Variants in CDK6 observed in about 807,000 individuals in gnomAD.
CDK6 encodes the protein cyclin-dependent kinase 6.
In CDK6, 6 loss-of-function variants were observed where a neutral mutation model predicts 37.1. That is an observed-to-expected ratio of 0.16 (90% CI 0.09 to 0.32). CDK6 has a LOEUF of 0.32. CDK6 is among the 10% of genes least tolerant of loss of function. The pLI, the probability that CDK6 is intolerant of heterozygous loss-of-function variation, is 1.00. For synonymous variants in CDK6, 160 were observed against 161.3 expected (o/e 0.99, Z 0.06); for missense variants, 224 against 418.9 (o/e 0.53, Z 4.06).
At chr7:92,659,439 G>A (rs1004942790) in intron 5 of CDK6, among the ~76,000 whole-genome samples, 1 of 151,998 alleles carries the variant, frequency 6.6e-6, no homozygotes, top group Non-Finnish European at 1.5e-5. Context: ...AAAGTAATTC[G>A]ACTTGTTTCT....
Position 92,611,987 on chromosome 7 carries a change from G to A in CDK6, c.*3153C>T, listed in dbSNP as rs1050324012. On this transcript the variant is annotated 3_prime_UTR_variant, in exon 8 of 8. Transcript: ENST00000424848. ...CCACTTCAAAGGAGGGACAAAGTGG[G>A]AGGCTCCAACCCACTGGGTTCTTAC... 3 of 232,884 alleles carry A rather than the reference G, an allele frequency of 1.3e-5. No homozygotes were observed. The highest frequency in any genetic ancestry group is 6.6e-5 in the African/African-American group (3 of 45,330). The allele number at this position is 232,884 out of a possible 1,614,324, so 14.4% of individuals were successfully genotyped here.
At position 92,608,419 on chromosome 7, in the gene CDK6, G is replaced by C. The variant is rs921232214; in HGVS notation, c.*6721C>G. The C allele has an allele frequency of 8.7e-6, 2 of 230,954 alleles. No individual in the cohort carries two copies. The highest frequency in any genetic ancestry group is 1.2e-4 in the East Asian group (2 of 16,208). The allele number at this position is 230,954 out of a possible 1,614,324, so 14.3% of individuals were successfully genotyped here. On this transcript the variant is annotated 3_prime_UTR_variant, in exon 8 of 8. Coordinates refer to ENST00000424848, the MANE Select transcript of CDK6 (RefSeq NM_001145306.2). ...AAAGAATTGAGAGCTTTTGCCAACT[G>C]AAGACGAAGCAGAAAATAAACTTTT...
chr7:92,675,010 T>G (rs1797172257), intron 4 of CDK6, among the ~76,000 whole-genome samples: 1 of 152,174 alleles, frequency 6.6e-6, no homozygotes, highest in Admixed American at 6.5e-5. Context: ...ATTTTTGTAT[T>G]TTTTGTAGAG....
chr7:92,740,173 A>T (rs1035493330), intron 3 of CDK6, among the ~76,000 whole-genome samples: 17 of 152,188 alleles, frequency 1.1e-4, no homozygotes, highest in African/African-American at 4.1e-4. Context: ...CTGCTTCCTA[A>T]CTATCTCTGG....
Position 92,611,705 on chromosome 7 carries a change from C to T in CDK6, c.*3435G>A, listed in dbSNP as rs1214623456. 1 of 229,334 alleles carries T rather than the reference C, an allele frequency of 4.4e-6. No individual in the cohort carries two copies. Among genetic ancestry groups the T allele is most frequent in the Non-Finnish European group, 8.6e-6 (1 of 115,788 alleles). The allele number at this position is 229,334 out of a possible 1,614,324, so 14.2% of individuals were successfully genotyped here. On this transcript the variant is annotated 3_prime_UTR_variant, in exon 8 of 8. Coordinates refer to ENST00000424848, the MANE Select transcript of CDK6 (RefSeq NM_001145306.2). ...CTGGAGAGTCAAACTATACATTTCT[C>T]TATAGAAAAGAAACATGCTTTATTT...
intron 5 of CDK6, among the ~76,000 whole-genome samples, chr7:92,665,184 G>A (rs1485407315): frequency 6.6e-6 from 1 of 152,080 alleles, no homozygotes; most frequent in Admixed American, 6.6e-5. Flanking sequence ...AGGATTACAA[G>A]GCAACCAATA....
intron 5 of CDK6, among the ~76,000 whole-genome samples, chr7:92,670,960 T>C (rs1200307344): frequency 6.6e-6 from 1 of 152,228 alleles, no homozygotes; most frequent in East Asian, 1.9e-4. Flanking sequence ...TGCTCTGAAG[T>C]AGCACTGACA....
rs575667333 is a variant in CDK6, at chr7:92,827,546, C to G, written c.233+5545G>C. On this transcript the variant is annotated intron_variant, in intron 2 of 7. Transcript: ENST00000424848. The stretch of plus-strand genomic sequence containing the variant: ...GGTATGGCAGCAAACTGGTGATATT[C>G]AAGAAAACTACCCAGCAGCTCTTGG... Among the ~76,000 whole-genome samples the G allele has an allele frequency of 4.6e-5, 7 of 152,280 alleles. No homozygotes were observed. The East Asian group carries it at 1.3e-3, about 29-fold the overall frequency.
rs201514712 is a variant in CDK6 at position 92,785,615 on chromosome 7, A to T, written c.234-10784T>A. On this transcript the variant is annotated intron_variant, in intron 2 of 7. Coordinates refer to ENST00000424848, the MANE Select transcript of CDK6 (RefSeq NM_001145306.2). ...TAGAGAGGTTTAATACTTTGCCTAA[A>T]GTACAAAGACAGTAAGTAGTGGAGA... Among the ~76,000 whole-genome samples, 4 of 152,242 alleles carry T rather than the reference A, an allele frequency of 2.6e-5. No individual in the cohort carries two copies. In the East Asian group the frequency reaches 7.7e-4, roughly 29 times the overall value.
chr7:92,615,055 A>G lies in CDK6; in HGVS notation c.*85T>C. ...GAAGGCCTCCAGATAGCAATCCTCC[A>G]CAGCTCTGTAGGGCTTGCTGAGGGG... is the stretch of plus-strand genomic sequence containing the variant. On this transcript the variant is annotated 3_prime_UTR_variant, in exon 8 of 8. Coordinates refer to ENST00000424848, the MANE Select transcript of CDK6 (RefSeq NM_001145306.2). The G allele has an allele frequency of 1.4e-6, 2 of 1,426,410 alleles. No homozygotes were observed. Among genetic ancestry groups the G allele is most frequent in the East Asian group, 2.3e-5 (1 of 43,114 alleles). The allele number at this position is 1,426,410 out of a possible 1,614,324, so 88.4% of individuals were successfully genotyped here. A position where few individuals can be genotyped will look rare whatever the true frequency, so the allele number is the denominator to read the frequency against.
At chr7:92,617,219 G>A (rs1795701037) in intron 7 of CDK6, among the ~76,000 whole-genome samples, 2 of 152,142 alleles carry the variant, frequency 1.3e-5, no homozygotes, top group Admixed American at 6.5e-5. Flanking sequence ...GGGCAGAGTG[G>A]CGGGTACTTC....
At chr7:92,831,122 T>A (rs1801468256) in intron 2 of CDK6, among the ~76,000 whole-genome samples, 1 of 152,186 alleles carries the variant, frequency 6.6e-6, no homozygotes, top group South Asian at 2.1e-4. Flanking sequence ...TGCCTTTGTC[T>A]TCAGTTCATA....
chr7:92,830,586 G>A (rs1485982313), intron 2 of CDK6, among the ~76,000 whole-genome samples: 1 of 152,184 alleles, frequency 6.6e-6, no homozygotes, highest in Non-Finnish European at 1.5e-5. Context: ...GCTGTCAACT[G>A]TCCTTATTTC....
rs561026088 is a variant in CDK6, at chr7:92,612,516, A to C, written c.*2624T>G. The C allele has an allele frequency of 3.0e-5, 7 of 233,130 alleles. No individual in the cohort carries two copies. The highest frequency in any genetic ancestry group is 2.5e-5 in the Non-Finnish European group (3 of 117,948). 14.4% of individuals were successfully genotyped at this position (233,130 alleles called of 1,614,324 possible). On this transcript the variant is annotated 3_prime_UTR_variant, in exon 8 of 8. Transcript: ENST00000424848. ...ATCAAGAGAGTATTCACTCAAATGC[A>C]ACAACTACACCGATGGAAGAACTGG...
rs913016734 is a variant in CDK6 at position 92,614,987 on chromosome 7, G to A, written c.*153C>T. On this transcript the variant is annotated 3_prime_UTR_variant, in exon 8 of 8. Coordinates refer to ENST00000424848, the MANE Select transcript of CDK6 (RefSeq NM_001145306.2). ...TTGATTTCAAAACAGTAAACTAGGC[G>A]GTTTCCTTGGAGAAGCAGAGCCTGT... 9.5e-6 allele frequency: 6 copies of A among 631,822 alleles called. No homozygotes were observed. The highest frequency in any genetic ancestry group is 5.5e-5 in the African/African-American group (3 of 54,710). The allele number at this position is 631,822 out of a possible 1,614,324, so 39.1% of individuals were successfully genotyped here.
chr7:92,827,441 C>G (rs1801353215), intron 2 of CDK6, among the ~76,000 whole-genome samples: 1 of 152,152 alleles, frequency 6.6e-6, no homozygotes, highest in Non-Finnish European at 1.5e-5. Flanking sequence ...TGCATAGATT[C>G]CTGCCACATG....
At chr7:92,683,480 A>G (rs1288256807) in intron 4 of CDK6, among the ~76,000 whole-genome samples, 1 of 152,208 alleles carries the variant, frequency 6.6e-6, no homozygotes, top group African/African-American at 2.4e-5. Flanking sequence ...CAACATTTTA[A>G]AATTCCATGA....
chr7:92,748,927 C>T (rs975251823), intron 3 of CDK6, among the ~76,000 whole-genome samples: 1 of 152,004 alleles, frequency 6.6e-6, no homozygotes, highest in Admixed American at 6.6e-5. Context: ...CACGGCTGGG[C>T]GCGATGGCTC....
chr7:92,755,111 A>G (rs1799279944), intron 3 of CDK6, among the ~76,000 whole-genome samples: 1 of 152,168 alleles, frequency 6.6e-6, no homozygotes, highest in African/African-American at 2.4e-5. Flanking sequence ...TGATCAGCAG[A>G]GCGTGGGATA....
Sources: allele counts gnomAD v4.1 joint callset (sites outside exome capture counted in the v4.1 genomes callset), GRCh38; gene constraint gnomAD v4.1.1; transcripts MANE v1.5; gene names NCBI Gene and HGNC (gene_info 2026-07-23, HGNC 2026-07-21).